Variants in NUDCD1 observed in about 807,000 individuals in gnomAD.
NUDCD1 encodes the protein nudC domain-containing protein 1.
A neutral mutation model predicts 67.8 loss-of-function variants in NUDCD1; 60 were observed. The ratio of observed to expected loss-of-function variants is 0.88; its 90% CI spans 0.72 to 1.10. The LOEUF is 1.10. NUDCD1 is among the 50% of genes least tolerant of loss of function. The pLI, the probability that NUDCD1 is intolerant of heterozygous loss-of-function variation, is 0.00. For synonymous variants in NUDCD1, 244 were observed against 230.8 expected, an observed-to-expected ratio of 1.06 and a Z score of -0.52; for missense variants, 643 against 695.0, an observed-to-expected ratio of 0.93 and a Z score of 0.84.
intron 2 of NUDCD1, among the ~76,000 whole-genome samples, chr8:109,306,740 G>C (rs1815117106): frequency 6.7e-6 from 1 of 149,142 alleles, no homozygotes; most frequent in African/African-American, 2.5e-5. Flanking sequence ...CAGAGCTTGT[G>C]TCTTTCATTT....
At chr8:109,296,609 C>A in intron 2 of NUDCD1, 40 bp from the exon 3 acceptor site, 1 of 1,263,724 alleles carries the variant, frequency 7.9e-7, no homozygotes, top group South Asian at 1.4e-5. Context: ...TCTTCCTCTT[C>A]ACTGATCCAC....
chr8:109,251,182 C>CT (rs60556601), intron 8 of NUDCD1, among the ~76,000 whole-genome samples: 49,800 of 130,400 alleles, frequency 0.38, 9,434 homozygotes, highest in South Asian at 0.53. Context: ...TTTTTTTTTT[C>CT]TTTTTTTTTT....
rs1586311015 is a variant in NUDCD1 at position 109,322,178 on chromosome 8, G to C, written c.273+131C>G. The stretch of plus-strand genomic sequence containing the variant: ...GAAATAAGAAATGGAGTATTACGTA[G>C]ATAGGATTCCATATACTACAGGTAT... On this transcript the variant is annotated intron_variant, in intron 2 of 9. Transcript: ENST00000239690. The C allele has an allele frequency of 1.0e-5, 5 of 481,234 alleles. 1 individual carries two copies. In the South Asian group the frequency reaches 1.5e-4, roughly 15 times the overall value. 29.8% of individuals were successfully genotyped at this position (481,234 alleles called of 1,614,324 possible). A position where few individuals can be genotyped will look rare whatever the true frequency, so the allele number is the denominator to read the frequency against.
intron 2 of NUDCD1, among the ~76,000 whole-genome samples, chr8:109,301,646 C>T (rs1028778805): frequency 4.6e-5 from 7 of 152,196 alleles, no homozygotes; most frequent in African/African-American, 1.4e-4. Context: ...ATGGGGTAAG[C>T]GGCCTTTCTA....
intron 2 of NUDCD1, among the ~76,000 whole-genome samples, chr8:109,317,101 G>A (rs1815419216): frequency 6.6e-6 from 1 of 152,128 alleles, no homozygotes; most frequent in Non-Finnish European, 1.5e-5. Flanking sequence ...AAACCTAAGA[G>A]GAAACTGATG....
intron 1 of NUDCD1, among the ~76,000 whole-genome samples, chr8:109,330,463 C>T (rs1393329318): frequency 6.6e-6 from 1 of 152,188 alleles, no homozygotes; most frequent in Non-Finnish European, 1.5e-5. Flanking sequence ...CTCAATTATG[C>T]TTCACTATCT....
chr8:109,301,622 C>T (rs1370428989), intron 2 of NUDCD1, among the ~76,000 whole-genome samples: 2 of 152,244 alleles, frequency 1.3e-5, no homozygotes, highest in African/African-American at 2.4e-5. Flanking sequence ...CAAGGAACAT[C>T]TCACCAATTT....
intron 2 of NUDCD1, among the ~76,000 whole-genome samples, chr8:109,313,353 A>T (rs1045237410): frequency 1.2e-4 from 19 of 152,326 alleles, no homozygotes; most frequent in African/African-American, 1.7e-4. Flanking sequence ...CTGATTTTTT[A>T]AAAAAAGATG....
chr8:109,306,826 C>A (rs1401092224), intron 2 of NUDCD1, among the ~76,000 whole-genome samples: 1 of 152,040 alleles, frequency 6.6e-6, no homozygotes, highest in East Asian at 1.9e-4. Context: ...TTCTAACAAC[C>A]CCACAATATC....
chr8:109,293,435 T>C lies in NUDCD1; in HGVS notation c.549A>G (p.Leu183=), dbSNP rs757940242. Residue 183 remains leucine (L), a synonymous_variant, in exon 4 of 10, where the codon CTA becomes CTG. Transcript: ENST00000239690. ...ATTCCTCTTTCTCTATTCGAAGAAG[T>C]AGGGTAGCTATAGAATGTTCTTCAG... ...LNAEEHSIAT[L]LLRIEKEELD... 2 of 1,587,430 alleles carry C rather than the reference T, an allele frequency of 1.3e-6. No homozygotes were observed. Among genetic ancestry groups the C allele is most frequent in the Non-Finnish European group, 1.7e-6 (2 of 1,162,680 alleles).
rs1390377761 is a variant in NUDCD1, at chr8:109,289,781, T to C, written c.793A>G (p.Met265Val). 5.2e-6 allele frequency: 8 copies of C among 1,540,490 alleles called. No homozygotes were observed. The highest frequency in any genetic ancestry group is 5.3e-6 in the Non-Finnish European group (6 of 1,123,054). The change falls in exon 5 of 10, where the codon ATG becomes GTG. Residue 265 changes from methionine (M) to valine (V), a missense_variant. Physicochemically the swap from Met to Val is conservative, Grantham distance 21. Coordinates refer to ENST00000239690, the MANE Select transcript of NUDCD1 (RefSeq NM_032869.4). Reference protein sequence around the residue: ...VQAGQDLEENMDEDISEKIKE... With the variant: ...VQAGQDLEENVDEDISEKIKE... ...ATTTTCTCTGATATGTCTTCATCCA[T>C]ATTTTCTTCAAGATCTTGACCAGCC...
intron 4 of NUDCD1, among the ~76,000 whole-genome samples, chr8:109,291,423 G>A (rs1242840965): frequency 6.6e-6 from 1 of 152,180 alleles, no homozygotes; most frequent in African/African-American, 2.4e-5. Flanking sequence ...GAGATTACAG[G>A]CATGAGCCTT....
chr8:109,317,886 G>A (rs1281584401), intron 2 of NUDCD1, among the ~76,000 whole-genome samples: 1 of 152,058 alleles, frequency 6.6e-6, no homozygotes, highest in Non-Finnish European at 1.5e-5. Context: ...AAGGATATAT[G>A]GAGACTGCTG....
chr8:109,288,830 C>G (rs562119676), intron 5 of NUDCD1, among the ~76,000 whole-genome samples: 3 of 152,092 alleles, frequency 2.0e-5, no homozygotes, highest in African/African-American at 7.2e-5. Flanking sequence ...TTATAAAAAT[C>G]TCTGTTAAAT....
chr8:109,253,938 G>A (rs1813674640), intron 8 of NUDCD1, among the ~76,000 whole-genome samples: 1 of 152,040 alleles, frequency 6.6e-6, no homozygotes, highest in Admixed American at 6.6e-5. Flanking sequence ...ATCTAGCATG[G>A]GCCATTACCT....
chr8:109,246,562 T>C (rs1043746465), intron 8 of NUDCD1, among the ~76,000 whole-genome samples: 1 of 152,246 alleles, frequency 6.6e-6, no homozygotes, highest in Non-Finnish European at 1.5e-5. Context: ...TACTGCAATA[T>C]TGATGCCTAA....
At chr8:109,285,194 C>G (rs185718900) in intron 5 of NUDCD1, among the ~76,000 whole-genome samples, 2 of 152,172 alleles carry the variant, frequency 1.3e-5, no homozygotes, top group East Asian at 3.9e-4. Context: ...CCAAAGAAAG[C>G]CCTGGACAGA....
chr8:109,270,081 GGTGCCTTAAGGT>G (rs1563665925), intron 8 of NUDCD1, among the ~76,000 whole-genome samples: 12 of 31,732 alleles, frequency 3.8e-4, no homozygotes, highest in Non-Finnish European at 5.7e-4. Flanking sequence ...GGGGGGGGGG[GGTGCCTTAAGGT>G]GGGGTGTGAA....
intron 2 of NUDCD1, among the ~76,000 whole-genome samples, chr8:109,302,575 C>T (rs918932980): frequency 1.3e-5 from 2 of 152,258 alleles, no homozygotes; most frequent in East Asian, 1.9e-4. Flanking sequence ...CCTCCTTACA[C>T]CAGGTCTGGC....
Sources: gnomAD v4.1 joint callset for allele counts (sites outside exome capture counted in the v4.1 genomes callset) on GRCh38, gnomAD v4.1.1 for gene constraint, MANE v1.5 for transcripts, NCBI Gene and HGNC (gene_info 2026-07-23, HGNC 2026-07-21) for gene names.